The following ATRX variants were observed in gnomAD, a reference collection of about 807,000 sequenced individuals.
ATRX encodes the protein chromatin remodeler ATRX.
Under a neutral mutation model 172.6 loss-of-function variants are expected in ATRX, and 12 were observed. The ratio of observed to expected loss-of-function variants is 0.07; its 90% CI spans 0.04 to 0.11. The LOEUF is 0.11. ATRX is among the 10% of genes least tolerant of loss of function. The pLI is 1.00. For synonymous variants in ATRX, 674 were observed against 594.7 expected (o/e 1.13, Z -1.94); for missense variants, 1,368 against 1,767.4 (o/e 0.77, Z 4.05).
At chrX:77,535,164 A>T (rs782618223) in intron 30 of ATRX, among the ~76,000 whole-genome samples, 1 of 112,330 alleles carries the variant, frequency 8.9e-6, no homozygotes, top group African/African-American at 3.2e-5. Flanking sequence ...AGTGAATTTG[A>T]TAAGTAACTA....
At chrX:77,639,978 T>C (rs2068572636) in intron 15 of ATRX, among the ~76,000 whole-genome samples, 1 of 112,321 alleles carries the variant, frequency 8.9e-6, no homozygotes, top group South Asian at 3.6e-4. Flanking sequence ...GTGGTACATA[T>C]ACACCACGGA....
At chrX:77,651,963 G>A in intron 15 of ATRX, 151 bp downstream of exon 15, 2 of 508,550 alleles carry the variant, frequency 3.9e-6, no homozygotes, top group Non-Finnish European at 6.7e-6. Context: ...AATAAATTAA[G>A]GCTGGGTGTG....
At chrX:77,598,516 T>C (rs2066550263) in intron 25 of ATRX, among the ~76,000 whole-genome samples, 1 of 112,267 alleles carries the variant, frequency 8.9e-6, no homozygotes, top group African/African-American at 3.2e-5. Flanking sequence ...CAAGTTTATC[T>C]GATCACAGGA....
intron 1 of ATRX, among the ~76,000 whole-genome samples, chrX:77,763,764 C>T (rs1043897738): frequency 1.8e-5 from 2 of 111,182 alleles, no homozygotes; most frequent in African/African-American, 6.5e-5. Context: ...CCACCACACC[C>T]GGCCCCGTTA....
In ATRX at chrX:77,770,952, T is replaced by C. The variant is rs1448922417; in HGVS notation, c.20+15030A>G. Reference sequence around the variant, plus strand: ...ATCTTCTTGAGTTTAATATTCACCATTGACCATTTTTACCATTTCACTGTA... The same window carrying C: ...ATCTTCTTGAGTTTAATATTCACCACTGACCATTTTTACCATTTCACTGTA... On this transcript the variant is annotated intron_variant, in intron 1 of 34. Coordinates refer to ENST00000373344, the MANE Select transcript of ATRX (RefSeq NM_000489.6). Among the ~76,000 whole-genome samples the C allele has an allele frequency of 5.3e-5, 6 of 112,498 alleles. No homozygotes were observed. The South Asian group carries it at 1.1e-3, about 21-fold the overall frequency.
intron 2 of ATRX, among the ~76,000 whole-genome samples, chrX:77,703,644 G>A: frequency 8.9e-6 from 1 of 112,318 alleles, no homozygotes; most frequent in Non-Finnish European, 1.9e-5. Context: ...CCTGCAACAA[G>A]GTGAGCAAGG....
chrX:77,693,756 A>G (rs1365864881), intron 6 of ATRX, 68 bp downstream of exon 6: 1 of 856,586 alleles, frequency 1.2e-6, no homozygotes, highest in Non-Finnish European at 1.7e-6. Flanking sequence ...TTTAGTAAGC[A>G]CATCCGATTT....
chrX:77,652,245 CT>C lies in ATRX; in HGVS notation c.4425del (p.Gly1476AlafsTer14). The C allele has an allele frequency of 8.3e-7, 1 of 1,210,396 alleles. No individual in the cohort carries two copies. On this transcript the variant is annotated frameshift_variant, in exon 15 of 35. Transcript: ENST00000373344. LOFTEE classifies it high-confidence loss of function. Reference protein sequence around the residue: ...DENDDSKSPGKGRKKIRKILK... With the variant: ...DENDDSKSPGXGRKKIRKILK... ...AGAATCTTCCGAATTTTCTTTCTGC[CT>C]TTTCCAGGAGACTTGGAATCATCAT...
chrX:77,684,674 T>C, intron 8 of ATRX, 81 bp from the exon 9 acceptor site: 2 of 1,037,549 alleles, frequency 1.9e-6, no homozygotes, highest in South Asian at 4.0e-5. Context: ...AAATAAACAT[T>C]ATTCCCAACA....
intron 19 of ATRX, among the ~76,000 whole-genome samples, chrX:77,622,935 G>C (rs1449093227): frequency 9.1e-6 from 1 of 110,183 alleles, no homozygotes; most frequent in Non-Finnish European, 1.9e-5. Flanking sequence ...TCATAGCCCT[G>C]AACGCCTACA....
intron 31 of ATRX, 163 bp from the exon 32 acceptor site, chrX:77,522,551 A>C: frequency 1.7e-6 from 1 of 584,771 alleles, no homozygotes. Flanking sequence ...CCAAGATCTT[A>C]TTACAAGGAA....
intron 28 of ATRX, among the ~76,000 whole-genome samples, chrX:77,566,633 G>T (rs1184105307): frequency 9.0e-6 from 1 of 111,256 alleles, no homozygotes; most frequent in South Asian, 3.8e-4. Flanking sequence ...CCCACCTGTA[G>T]TCCCAGCTAC....
intron 1 of ATRX, among the ~76,000 whole-genome samples, chrX:77,775,250 T>C (rs948027034): frequency 1.6e-4 from 18 of 111,725 alleles, no homozygotes; most frequent in African/African-American, 4.5e-4. Context: ...CTGAGAATCT[T>C]TGTGCTATTT....
rs144346589 is a variant in ATRX at position 77,513,524 on chromosome X, G to A, written c.7201-4895C>T. On this transcript the variant is annotated intron_variant, in intron 34 of 34. Transcript: ENST00000373344. Reference sequence around the variant, plus strand: ...GCTGGGAACCCTGAATGGGGCTACCGCACACCAGGACTCATTCCTGGCCCA... The same window carrying A: ...GCTGGGAACCCTGAATGGGGCTACCACACACCAGGACTCATTCCTGGCCCA... 3.8e-3 allele frequency among the ~76,000 whole-genome samples: 422 copies of A among 109,690 alleles called. 1 individual carries two copies. Among genetic ancestry groups the A allele is most frequent in the African/African-American group, 0.013 (399 of 30,109 alleles).
chrX:77,696,639 A>T lies in ATRX; in HGVS notation c.308T>A (p.Val103Glu). ...DDEKPLDDET[V>E]NEDASNENSE... ...ATTTTCATTAGACGCATCTTCATTT[A>T]CAGTTTCATCATCCAAAGGTTTTTC... Residue 103 changes from valine (V) to glutamate (E), a missense_variant, in exon 5 of 35, where the codon GTA becomes GAA. Physicochemically the swap from Val to Glu is moderately radical, Grantham distance 121. This residue lies in a region of ATRX where 84 missense variants were observed against 82.8 expected (regional missense o/e 1.01). Transcript: ENST00000373344. 1 of 1,200,519 alleles carries T rather than the reference A, an allele frequency of 8.3e-7. No individual in the cohort carries two copies. Among genetic ancestry groups the T allele is most frequent in the Non-Finnish European group, 1.1e-6 (1 of 885,290 alleles).
At chrX:77,660,584 A>T (rs2148475745) in intron 12 of ATRX, among the ~76,000 whole-genome samples, 1 of 109,309 alleles carries the variant, frequency 9.1e-6, no homozygotes, top group African/African-American at 3.3e-5. Context: ...ATAAATAAAT[A>T]AATAATAAAA....
At chrX:77,640,856 C>T (rs782626250) in intron 15 of ATRX, among the ~76,000 whole-genome samples, 26 of 111,654 alleles carry the variant, frequency 2.3e-4, no homozygotes, top group African/African-American at 8.5e-4. Flanking sequence ...CACTTTGAGT[C>T]ATAGCTGAAC....
intron 25 of ATRX, chrX:77,594,681 A>G (rs1557082957): frequency 2.7e-5 from 3 of 112,051 alleles, no homozygotes; most frequent in African/African-American, 9.7e-5. Context: ...ATGAAGCTGA[A>G]GCCTAATATA....
At chrX:77,571,809 A>G (rs1479981350) in intron 28 of ATRX, among the ~76,000 whole-genome samples, 1 of 111,567 alleles carries the variant, frequency 9.0e-6, no homozygotes, top group African/African-American at 3.2e-5. Context: ...TCATTTCTAA[A>G]TTAAAAGAGA....
Sources: gnomAD v4.1 joint callset for allele counts (sites outside exome capture counted in the v4.1 genomes callset) on GRCh38, gnomAD v4.1.1 for gene constraint, gnomAD v4.1.1 regional missense constraint, MANE v1.5 for transcripts, NCBI Gene and HGNC (gene_info 2026-07-23, HGNC 2026-07-21) for gene names.